Variants in RAI14 observed in about 807,000 individuals in gnomAD.
RAI14 encodes the protein ankycorbin.
RAI14 carries 45 observed loss-of-function variants against 115.4 expected under a neutral mutation model. The observed-to-expected ratio is 0.39, with a 90% CI of 0.31 to 0.50. The LOEUF (loss-of-function observed/expected upper bound fraction) is 0.50. RAI14 is among the 20% of genes least tolerant of loss of function. The pLI, the probability that RAI14 is intolerant of heterozygous loss-of-function variation, is 0.85. For missense variants in RAI14, 939 were observed against 1,131.2 expected (o/e 0.83, Z 2.44); for synonymous variants, 371 against 415.4 (o/e 0.89, Z 1.30).
At chr5:34,719,242 C>T (rs1002240316) in intron 2 of RAI14, among the ~76,000 whole-genome samples, 1 of 152,188 alleles carries the variant, frequency 6.6e-6, no homozygotes, top group Non-Finnish European at 1.5e-5. Context: ...TTGGCCAGAA[C>T]GCTGGTGCCC....
At chr5:34,689,195 G>A (rs1189163390) in intron 2 of RAI14, among the ~76,000 whole-genome samples, 1 of 151,878 alleles carries the variant, frequency 6.6e-6, no homozygotes, top group Non-Finnish European at 1.5e-5. Context: ...TTGAGTCCAG[G>A]AGTTCAAGAG....
At chr5:34,797,052 G>T (rs1316042183) in intron 4 of RAI14, among the ~76,000 whole-genome samples, 1 of 152,036 alleles carries the variant, frequency 6.6e-6, no homozygotes, top group Non-Finnish European at 1.5e-5. Context: ...CTATAAGAAG[G>T]AGCCCCTGGG....
At chr5:34,779,787 A>C (rs1430712961) in intron 3 of RAI14, among the ~76,000 whole-genome samples, 1 of 152,218 alleles carries the variant, frequency 6.6e-6, no homozygotes, top group African/African-American at 2.4e-5. Flanking sequence ...GAAAATGGCC[A>C]TACTGCCCAA....
intron 12 of RAI14, among the ~76,000 whole-genome samples, chr5:34,817,272 C>CAAAAAAAAA (rs34084798): frequency 9.3e-5 from 9 of 97,094 alleles, no homozygotes; most frequent in Non-Finnish European, 1.2e-4. Context: ...CACTCCATCT[C>CAAAAAAAAA]AAAAAAAAAA....
intron 5 of RAI14, among the ~76,000 whole-genome samples, chr5:34,804,644 T>C (rs2150236716): frequency 6.6e-6 from 1 of 152,378 alleles, no homozygotes; most frequent in South Asian, 2.1e-4. Context: ...TGTCTTGCGT[T>C]ACATGATGCA....
chr5:34,730,119 G>T (rs988923082), intron 2 of RAI14, among the ~76,000 whole-genome samples: 3 of 152,060 alleles, frequency 2.0e-5, no homozygotes, highest in African/African-American at 7.2e-5. Flanking sequence ...GCAGGATGAT[G>T]AATTATCCAC....
chr5:34,669,943 G>T (rs1204392105), intron 1 of RAI14, among the ~76,000 whole-genome samples: 4 of 152,126 alleles, frequency 2.6e-5, no homozygotes, highest in Admixed American at 2.6e-4. Context: ...TGTATCTTTA[G>T]CAAAGCTATA....
rs552681904 is a variant in RAI14, at chr5:34,796,103, G to C, written c.256+76G>C. 4.5e-5 allele frequency: 57 copies of C among 1,260,296 alleles called. No individual in the cohort carries two copies. The African/African-American group carries it at 7.7e-4, about 17-fold the overall frequency. The allele number at this position is 1,260,296 out of a possible 1,614,324, so 78.1% of individuals were successfully genotyped here. A position where few individuals can be genotyped will look rare whatever the true frequency, so the allele number is the denominator to read the frequency against. On this transcript the variant is annotated intron_variant, in intron 4 of 17. Transcript: ENST00000265109. ...TCAAAAAGTAATACATATTCATTAT[G>C]GAAAATTTAAGGCCAGGTGTGGTAA...
chr5:34,671,971 T>G (rs1445438522), intron 1 of RAI14, among the ~76,000 whole-genome samples: 2 of 152,174 alleles, frequency 1.3e-5, no homozygotes, highest in Non-Finnish European at 2.9e-5. Context: ...CCTCAATAAA[T>G]GCATATTTGA....
intron 2 of RAI14, among the ~76,000 whole-genome samples, chr5:34,733,487 C>A (rs1456808007): frequency 6.6e-6 from 1 of 152,172 alleles, no homozygotes; most frequent in African/African-American, 2.4e-5. Flanking sequence ...CCAGGTAGAA[C>A]CTCCTTTTCC....
intron 5 of RAI14, among the ~76,000 whole-genome samples, chr5:34,806,621 G>T (rs540889236): frequency 1.3e-5 from 2 of 152,102 alleles, no homozygotes; most frequent in African/African-American, 4.8e-5. Context: ...GTCGGGGAAG[G>T]GGGTGGAGGA....
intron 4 of RAI14, 42 bp from the exon 5 acceptor site, chr5:34,803,670 G>A: frequency 6.7e-7 from 1 of 1,488,974 alleles, no homozygotes. Context: ...TTTAAAGTGT[G>A]GCCTTTTTAA....
At chr5:34,759,987 C>T (rs562076577) in intron 3 of RAI14, among the ~76,000 whole-genome samples, 1 of 152,118 alleles carries the variant, frequency 6.6e-6, no homozygotes, top group Non-Finnish European at 1.5e-5. Context: ...CTTCTGCGTT[C>T]GAATCACCTG....
chr5:34,729,914 A>G lies in RAI14; in HGVS notation c.37-27554A>G, dbSNP rs1743960677. 3.3e-5 allele frequency among the ~76,000 whole-genome samples: 5 copies of G among 152,340 alleles called. No individual in the cohort carries two copies. The South Asian group carries it at 8.3e-4, about 25-fold the overall frequency. On this transcript the variant is annotated intron_variant, in intron 2 of 17. Coordinates refer to ENST00000265109, the MANE Select transcript of RAI14 (RefSeq NM_015577.3). ...ATATTTGATGTATTAAGGCACTAGT[A>G]TAATTTTTTCTAAAGATGTGTTATT...
chr5:34,659,646 C>T (rs1481891281), intron 1 of RAI14, among the ~76,000 whole-genome samples: 1 of 152,092 alleles, frequency 6.6e-6, no homozygotes, highest in Non-Finnish European at 1.5e-5. Context: ...ACAGTTTGTA[C>T]AATAAACATC....
chr5:34,712,803 G>A (rs1412168429), intron 2 of RAI14, among the ~76,000 whole-genome samples: 6 of 152,062 alleles, frequency 3.9e-5, no homozygotes, highest in Admixed American at 2.6e-4. Flanking sequence ...TGCCTTTAAC[G>A]TATTAATGTA....
At chr5:34,721,468 G>A (rs1158840519) in intron 2 of RAI14, among the ~76,000 whole-genome samples, 1 of 151,876 alleles carries the variant, frequency 6.6e-6, no homozygotes, top group East Asian at 1.9e-4. Flanking sequence ...GAGCTCAAGA[G>A]GGATGTAGCA....
chr5:34,693,703 G>A (rs1216758061), intron 2 of RAI14, among the ~76,000 whole-genome samples: 1 of 152,228 alleles, frequency 6.6e-6, no homozygotes, highest in Non-Finnish European at 1.5e-5. Flanking sequence ...CTGGATGGGA[G>A]AGTGTCGCAT....
chr5:34,675,037 C>T (rs1225726245), intron 1 of RAI14, among the ~76,000 whole-genome samples: 1 of 152,044 alleles, frequency 6.6e-6, no homozygotes, highest in Non-Finnish European at 1.5e-5. Context: ...GCTGGGACTA[C>T]AGGCATGTAC....
Sources: allele counts gnomAD v4.1 joint callset (sites outside exome capture counted in the v4.1 genomes callset), GRCh38; gene constraint gnomAD v4.1.1; transcripts MANE v1.5; gene names NCBI Gene and HGNC (gene_info 2026-07-23, HGNC 2026-07-21).